The following TSBP1 variants were observed in gnomAD, a reference collection of about 807,000 sequenced individuals.
TSBP1 encodes testis expressed basic protein 1, also known as testis-expressed basic protein 1.
A neutral mutation model predicts 68.8 loss-of-function variants in TSBP1; 56 were observed. That is an observed-to-expected ratio of 0.81 (90% CI 0.66 to 1.02). The LOEUF is 1.02. TSBP1 is among the 50% of genes least tolerant of loss of function. The pLI, the probability that TSBP1 is intolerant of heterozygous loss-of-function variation, is 0.00. For missense variants in TSBP1, 502 were observed against 641.2 expected, an observed-to-expected ratio of 0.78 and a Z score of 2.34; for synonymous variants, 171 against 208.7, an observed-to-expected ratio of 0.82 and a Z score of 1.56.
intron 18 of TSBP1, among the ~76,000 whole-genome samples, chr6:32,318,325 T>A (rs531094): frequency 0.34 from 51,467 of 151,930 alleles, 9,731 homozygotes; most frequent in Middle Eastern, 0.52. Context: ...ACGTAGACAG[T>A]CAGGAAAAAT....
chr6:32,309,428 C>T (rs138105537), intron 19 of TSBP1, among the ~76,000 whole-genome samples: 13 of 152,072 alleles, frequency 8.5e-5, no homozygotes, highest in African/African-American at 3.1e-4. Context: ...TTTGATAATT[C>T]TTTCACTGGG....
At chr6:32,354,656 T>C (rs3132962) in intron 8 of TSBP1, among the ~76,000 whole-genome samples, 116,861 of 152,052 alleles carry the variant, frequency 0.77, 45,191 homozygotes, top group South Asian at 0.9. Context: ...AAATTGGAAA[T>C]ATTGAGAATG....
chr6:32,329,183 A>C (rs1366397273), intron 16 of TSBP1, among the ~76,000 whole-genome samples: 1 of 152,166 alleles, frequency 6.6e-6, no homozygotes, highest in Non-Finnish European at 1.5e-5. Context: ...TATATTTTTC[A>C]TTTATACACT....
rs574925290 is a variant in TSBP1 at position 32,315,505 on chromosome 6, T to G, written c.580+267A>C. On this transcript the variant is annotated intron_variant, in intron 19 of 22. Coordinates refer to ENST00000612031, the Ensembl canonical transcript of TSBP1. The surrounding 1 kb of genome is among the most constrained non-coding windows in gnomAD (Gnocchi z 5.4). ...TGGACTCGGCAGGTGGAGGTTGCAGTGAGCCTAGATCACGCCACTGCACTC... is the reference window on the plus strand; with the variant it reads ...TGGACTCGGCAGGTGGAGGTTGCAGGGAGCCTAGATCACGCCACTGCACTC... Among the ~76,000 whole-genome samples, 171 of 152,218 alleles carry G rather than the reference T, an allele frequency of 1.1e-3. 1 individual carries two copies. Among genetic ancestry groups the G allele is most frequent in the Non-Finnish European group, 1.9e-3 (129 of 67,984 alleles).
exon 8 of TSBP1, chr6:32,355,127 G>C (rs141768642): frequency 1.9e-6 from 3 of 1,611,998 alleles, no homozygotes; most frequent in African/African-American, 2.7e-5. Flanking sequence ...CACTTACCTA[G>C]AGAGTTGGTT....
chr6:32,362,411 C>T (rs1313533760), intron 6 of TSBP1, among the ~76,000 whole-genome samples: 3 of 152,218 alleles, frequency 2.0e-5, no homozygotes, highest in Admixed American at 6.5e-5. Context: ...GGCTCTCTTG[C>T]GCCACATGCG....
chr6:32,349,791 G>A lies in TSBP1; in HGVS notation c.298C>T (p.Leu100Phe), dbSNP rs79044345. 6.5e-3 allele frequency: 10,412 copies of A among 1,609,716 alleles called. 176 individuals carry two copies. The highest frequency in any genetic ancestry group is 0.018 in the South Asian group (1,650 of 90,978). Reference sequence around the variant, plus strand: ...ATAAAACACATCAAAAGAAGAATGAGTTCTGTTTGTCCCAGGGAGAACTTA... The same window carrying A: ...ATAAAACACATCAAAAGAAGAATGAATTCTGTTTGTCCCAGGGAGAACTTA... Residue 100 changes from leucine to phenylalanine, a missense_variant, in exon 9 of 23, where the codon CTC becomes TTC. Coordinates refer to ENST00000612031, the Ensembl canonical transcript of TSBP1.
chr6:32,329,237 GC>G (rs869043321), intron 16 of TSBP1, among the ~76,000 whole-genome samples: 1 of 131,098 alleles, frequency 7.6e-6, no homozygotes, highest in Non-Finnish European at 1.8e-5. Context: ...AGGGAGTCAA[GC>G]AGGGGAGAAA....
At chr6:32,366,391 T>C in intron 4 of TSBP1, 89 bp from the exon 5 acceptor site, 1 of 1,195,920 alleles carries the variant, frequency 8.4e-7, no homozygotes, top group Non-Finnish European at 1.2e-6. Flanking sequence ...GTTTACCTCT[T>C]CCTCTTTTAG....
At chr6:32,295,797 A>G (rs1486906272) in intron 22 of TSBP1, among the ~76,000 whole-genome samples, 4 of 152,170 alleles carry the variant, frequency 2.6e-5, no homozygotes, top group Non-Finnish European at 5.9e-5. Context: ...CTTAGTTTCC[A>G]ACAAATAATT....
At position 32,365,060 on chromosome 6, in the gene TSBP1, A is replaced by AT. The variant is rs140033884; in HGVS notation, c.217+1106dup. Among the ~76,000 whole-genome samples the AT allele has an allele frequency of 0.34, 49,276 of 145,370 alleles. 9,176 individuals carry two copies. The highest frequency in any genetic ancestry group is 0.51 in the Middle Eastern group (145 of 282). On this transcript the variant is annotated intron_variant, in intron 6 of 22. Transcript: ENST00000612031. The surrounding 1 kb of genome is among the most constrained non-coding windows in gnomAD (Gnocchi z 4.3). ...AGGTGTGCACCGCCACATCCAACTG[A>AT]TTTTTTTTTTTTTTAGAGACGGAGT...
intron 9 of TSBP1, among the ~76,000 whole-genome samples, chr6:32,344,164 G>A (rs1770693111): frequency 6.6e-6 from 1 of 151,176 alleles, no homozygotes; most frequent in South Asian, 2.1e-4. Context: ...GTGCAGGTTA[G>A]TTACATATGT....
chr6:32,367,862 T>C, intron 4 of TSBP1, 63 bp downstream of exon 4: 3 of 1,248,790 alleles, frequency 2.4e-6, no homozygotes, highest in South Asian at 1.3e-5. Flanking sequence ...TGGAGATGAG[T>C]TGATTCACAC....
At chr6:32,341,205 TA>T (rs201536401) in intron 9 of TSBP1, among the ~76,000 whole-genome samples, 2 of 151,938 alleles carry the variant, frequency 1.3e-5, no homozygotes, top group Admixed American at 6.6e-5. Context: ...AAGAAGAAGA[TA>T]AAAAAAACTT....
chr6:32,346,580 G>C (rs1771022455), intron 9 of TSBP1, among the ~76,000 whole-genome samples: 1 of 152,068 alleles, frequency 6.6e-6, no homozygotes, highest in African/African-American at 2.4e-5. Context: ...TCTCATGCCT[G>C]TAACCCCAGC....
intron 19 of TSBP1, among the ~76,000 whole-genome samples, chr6:32,309,392 A>G (rs998997508): frequency 4.6e-5 from 7 of 152,156 alleles, no homozygotes; most frequent in African/African-American, 1.7e-4. Context: ...TTTTTACTCA[A>G]AAGTAAACTC....
At chr6:32,311,399 T>C (rs1766386769) in intron 19 of TSBP1, among the ~76,000 whole-genome samples, 1 of 152,162 alleles carries the variant, frequency 6.6e-6, no homozygotes, top group Admixed American at 6.5e-5. Flanking sequence ...TACTCCCAAA[T>C]TGACAAGTAG....
intron 6 of TSBP1, among the ~76,000 whole-genome samples, chr6:32,359,676 T>A (rs1772776051): frequency 6.6e-6 from 1 of 152,150 alleles, no homozygotes; most frequent in African/African-American, 2.4e-5. Context: ...CCATTTTGGC[T>A]TTTGTTGCCA....
intron 4 of TSBP1, among the ~76,000 whole-genome samples, chr6:32,366,784 A>G (rs923877833): frequency 1.4e-5 from 2 of 147,172 alleles, no homozygotes; most frequent in African/African-American, 2.6e-5. Flanking sequence ...AAAAAAAAAA[A>G]AAGTTTATCA....
Sources: allele counts gnomAD v4.1 joint callset (sites outside exome capture counted in the v4.1 genomes callset), GRCh38; gene constraint gnomAD v4.1.1; non-coding constraint Gnocchi (gnomAD v3.1); transcripts MANE v1.5; gene names NCBI Gene and HGNC (gene_info 2026-07-23, HGNC 2026-07-21).